The following SGCG variants were observed in gnomAD, a reference collection of about 807,000 sequenced individuals.
The protein encoded by SGCG is sarcoglycan gamma.
A neutral mutation model predicts 29.3 loss-of-function variants in SGCG; 26 were observed. The observed-to-expected ratio is 0.89, with a 90% CI of 0.65 to 1.23. SGCG has a LOEUF of 1.23. Ranked by LOEUF, SGCG falls within the 50% of genes most tolerant of loss-of-function variation. The probability of loss-of-function intolerance (pLI) is 0.00; values close to 1 mark genes in which losing one functional copy is unlikely to be tolerated. For synonymous variants in SGCG, 145 were observed against 129.7 expected (o/e 1.12, Z -0.80); for missense variants, 353 against 356.0 (o/e 0.99, Z 0.07).
the SGCG span, among the ~76,000 whole-genome samples, chr13:23,174,393 T>A: frequency 1.3e-5 from 2 of 151,914 alleles, no homozygotes; most frequent in African/African-American, 2.4e-5. Context: ...AAAAGGAAGA[T>A]AGTTAAAAAA....
chr13:23,300,070 A>C (rs1882092275), intron 6 of SGCG, among the ~76,000 whole-genome samples: 1 of 152,232 alleles, frequency 6.6e-6, no homozygotes, highest in Non-Finnish European at 1.5e-5. Context: ...ATGATACCCC[A>C]GAAAAGGGAG....
At chr13:23,308,147 GTAT>G (rs768730379) in intron 6 of SGCG, among the ~76,000 whole-genome samples, 37 of 152,204 alleles carry the variant, frequency 2.4e-4, no homozygotes, top group Non-Finnish European at 4.3e-4. Flanking sequence ...TATCCTTGTA[GTAT>G]TCTATGAAAA....
At chr13:23,226,068 C>T (rs1878884110) in intron 2 of SGCG, among the ~76,000 whole-genome samples, 1 of 152,150 alleles carries the variant, frequency 6.6e-6, no homozygotes, top group Non-Finnish European at 1.5e-5. Flanking sequence ...CCTTCCTGTT[C>T]CACTTGTGCT....
chr13:23,256,045 A>G lies in SGCG; in HGVS notation c.385+5328A>G, dbSNP rs568057718. Among the ~76,000 whole-genome samples, 94 of 152,310 alleles carry G rather than the reference A, an allele frequency of 6.2e-4. 2 individuals carry two copies. In the South Asian group the frequency reaches 0.017, roughly 28 times the overall value. On this transcript the variant is annotated intron_variant, in intron 4 of 7. Transcript: ENST00000218867. ...AAGGAACTCATACAGACTCTTCACC[A>G]CTGAAAGTACCCATAGCCAAAGCTA...
intron 3 of SGCG, among the ~76,000 whole-genome samples, chr13:23,249,473 C>G (rs1879874090): frequency 6.6e-6 from 1 of 152,126 alleles, no homozygotes; most frequent in Admixed American, 6.5e-5. Context: ...GAGGAATTTG[C>G]TTTTTCAGTT....
chr13:23,303,164 A>T (rs1031189694), intron 6 of SGCG, among the ~76,000 whole-genome samples: 3 of 149,188 alleles, frequency 2.0e-5, no homozygotes, highest in Non-Finnish European at 4.5e-5. Flanking sequence ...AATACATCAT[A>T]ATCGATTCAG....
intron 3 of SGCG, among the ~76,000 whole-genome samples, chr13:23,236,951 A>G (rs10871004): frequency 0.15 from 22,957 of 152,136 alleles, 1,783 homozygotes; most frequent in East Asian, 0.29. Flanking sequence ...TATGCTTCCT[A>G]ACTTCTGTAT....
chr13:23,250,796 T>TA (rs1238204578), intron 4 of SGCG, 79 bp downstream of exon 4: 1 of 868,412 alleles, frequency 1.2e-6, no homozygotes, highest in African/African-American at 1.7e-5. Flanking sequence ...TTTTTTCTTC[T>TA]AAAGAAATCA....
intron 4 of SGCG, among the ~76,000 whole-genome samples, chr13:23,278,185 T>C (rs1236215387): frequency 6.6e-6 from 1 of 152,040 alleles, no homozygotes; most frequent in Non-Finnish European, 1.5e-5. Flanking sequence ...GGCTCACACC[T>C]GTCATCCTAG....
At chr13:23,285,986 A>G (rs1881482713) in intron 5 of SGCG, among the ~76,000 whole-genome samples, 1 of 152,074 alleles carries the variant, frequency 6.6e-6, no homozygotes, top group Admixed American at 6.5e-5. Context: ...CCTCAGTTGG[A>G]AATGCAGAAA....
chr13:23,279,877 G>T lies in SGCG; in HGVS notation c.505+399G>T, dbSNP rs182454647. Among the ~76,000 whole-genome samples the T allele has an allele frequency of 2.3e-3, 349 of 152,026 alleles. 3 individuals are homozygous for T. The highest frequency in any genetic ancestry group is 8.1e-3 in the African/African-American group (334 of 41,464). ...CGAGTAGCTGAGACTACAGGCACCC[G>T]CCACCATGCCTGGCTAATTTTTGTA... On this transcript the variant is annotated intron_variant, in intron 5 of 7. Transcript: ENST00000218867.
the SGCG span, among the ~76,000 whole-genome samples, chr13:23,171,246 CAT>C: frequency 1.4e-4 from 21 of 152,264 alleles, no homozygotes; most frequent in African/African-American, 4.8e-4. Flanking sequence ...TATTTTACTA[CAT>C]GTCAGACACC....
Position 23,252,525 on chromosome 13 carries a change from A to G in SGCG, c.385+1808A>G, listed in dbSNP as rs113340026. 1.9e-3 allele frequency among the ~76,000 whole-genome samples: 291 copies of G among 152,158 alleles called. 1 individual carries two copies. The highest frequency in any genetic ancestry group is 6.6e-3 in the African/African-American group (272 of 41,504). On this transcript the variant is annotated intron_variant, in intron 4 of 7. Transcript: ENST00000218867. The stretch of plus-strand genomic sequence containing the variant: ...GCTAACACAGTGAAACCACGTCTCT[A>G]CTAAAAATACTAAAAATTAGCCGGG...
intron 5 of SGCG, among the ~76,000 whole-genome samples, chr13:23,289,996 A>G (rs950608025): frequency 2.6e-5 from 4 of 152,210 alleles, no homozygotes; most frequent in Admixed American, 6.5e-5. Flanking sequence ...GGTGGTAGCA[A>G]TGGTCAGAGA....
intron 6 of SGCG, among the ~76,000 whole-genome samples, chr13:23,312,298 A>G (rs1429587294): frequency 6.6e-6 from 1 of 152,234 alleles, no homozygotes; most frequent in African/African-American, 2.4e-5. Context: ...AAGATGCTCA[A>G]TGCCAGCTTC....
intron 5 of SGCG, among the ~76,000 whole-genome samples, chr13:23,279,956 G>A (rs2137618912): frequency 6.6e-6 from 1 of 152,108 alleles, no homozygotes; most frequent in Non-Finnish European, 1.5e-5. Flanking sequence ...TCAAACTCCT[G>A]ACCTCAAATG....
chr13:23,252,067 A>G (rs1879989348), intron 4 of SGCG, among the ~76,000 whole-genome samples: 1 of 152,166 alleles, frequency 6.6e-6, no homozygotes, highest in Admixed American at 6.5e-5. Flanking sequence ...TTGTTTAATA[A>G]CTAAGTCCAG....
chr13:23,243,317 T>C (rs1044274501), intron 3 of SGCG, among the ~76,000 whole-genome samples: 1 of 152,182 alleles, frequency 6.6e-6, no homozygotes, highest in African/African-American at 2.4e-5. Flanking sequence ...TAGACAGTTA[T>C]GAGGCCACAT....
intron 1 of SGCG, among the ~76,000 whole-genome samples, chr13:23,188,311 CTTTTTTTTTTT>C (rs71100159): frequency 5.5e-4 from 43 of 78,346 alleles, no homozygotes; most frequent in Non-Finnish European, 6.9e-4. Context: ...TTTACTAAGG[CTTTTTTTTTTT>C]TTTTTTTTTT....
Sources: allele counts gnomAD v4.1 joint callset (sites outside exome capture counted in the v4.1 genomes callset), GRCh38; gene constraint gnomAD v4.1.1; transcripts MANE v1.5; gene names NCBI Gene and HGNC (gene_info 2026-07-23, HGNC 2026-07-21).